The following ATP8B1 variants were observed in gnomAD, a reference collection of about 807,000 sequenced individuals.
The protein encoded by ATP8B1 is phospholipid-transporting ATPase IC.
In ATP8B1, 80 loss-of-function variants were observed where a neutral mutation model predicts 149.9. That is an observed-to-expected ratio of 0.53 (90% CI 0.45 to 0.64). ATP8B1 has a LOEUF of 0.64. Ranked by LOEUF, ATP8B1 falls within the 30% of genes least tolerant of loss-of-function variation. The probability of loss-of-function intolerance (pLI) is 0.00; values close to 1 mark genes in which losing one functional copy is unlikely to be tolerated. For missense variants in ATP8B1, 1,247 were observed against 1,552.6 expected, an observed-to-expected ratio of 0.80 and a Z score of 3.31; for synonymous variants, 536 against 562.8, an observed-to-expected ratio of 0.95 and a Z score of 0.67.
At position 57,649,190 on chromosome 18, in the gene ATP8B1, A is replaced by ATCTATCTATCTATCTATC. The variant is rs1909427425; in HGVS notation, c.3532-479_3532-478insGATAGATAGATAGATAGA. Reference sequence around the variant, plus strand: ...CAGGCATGAACCACAGTGCTTGGCTATATCTATCTATCTATCTATCTATCT... The same window carrying ATCTATCTATCTATCTATC: ...CAGGCATGAACCACAGTGCTTGGCTATCTATCTATCTATCTATCTATCTATCTATCTATCTATCTATCT... On this transcript the variant is annotated intron_variant, in intron 27 of 27. Coordinates refer to ENST00000648908, the MANE Select transcript of ATP8B1 (RefSeq NM_001374385.1). 6.7e-5 allele frequency among the ~76,000 whole-genome samples: 10 copies of ATCTATCTATCTATCTATC among 148,216 alleles called. No individual in the cohort carries two copies. In the South Asian group the frequency reaches 1.1e-3, roughly 16 times the overall value.
At chr18:57,664,090 C>G (rs576130417) in intron 20 of ATP8B1, among the ~76,000 whole-genome samples, 1 of 127,014 alleles carries the variant, frequency 7.9e-6, no homozygotes, top group South Asian at 2.8e-4. Flanking sequence ...TTTTTTTTAA[C>G]TGAGCGACAT....
In ATP8B1 at chr18:57,727,067, C is replaced by T. The variant is rs142797053; in HGVS notation, c.181+4560G>A. 8.0e-4 allele frequency among the ~76,000 whole-genome samples: 121 copies of T among 152,036 alleles called. No individual in the cohort carries two copies. The East Asian group carries it at 0.015, about 19-fold the overall frequency. On this transcript the variant is annotated intron_variant, in intron 2 of 27. Coordinates refer to ENST00000648908, the MANE Select transcript of ATP8B1 (RefSeq NM_001374385.1). ...TTCACTCCAGCCTGGGCAACAAGAG[C>T]GAGATTCTGTCAAATAAATAAATAA... is the stretch of plus-strand genomic sequence containing the variant.
intron 24 of ATP8B1, among the ~76,000 whole-genome samples, 156 bp downstream of exon 24, chr18:57,653,836 G>A (rs150715751): frequency 4.1e-4 from 62 of 152,026 alleles, no homozygotes; most frequent in African/African-American, 1.5e-3. Flanking sequence ...AAAACAAGAA[G>A]CACAGCCATG....
intron 1 of ATP8B1, chr18:57,735,207 G>T: frequency 5.9e-6 from 1 of 169,328 alleles, no homozygotes; most frequent in East Asian, 1.7e-4. Flanking sequence ...CACCACTGCT[G>T]TTTTGCTGCC....
rs566673944 is a variant in ATP8B1, at chr18:57,693,505, C to T, written c.1029+1077G>A. 1.1e-3 allele frequency among the ~76,000 whole-genome samples: 169 copies of T among 152,088 alleles called. 1 individual carries two copies. Among genetic ancestry groups the T allele is most frequent in the Admixed American group, 2.5e-3 (38 of 15,264 alleles). ...GGCAGATCACTTGAGGTCAGGGGTT[C>T]GAGACCAGCCTGGCCAACATGGTGA... On this transcript the variant is annotated intron_variant, in intron 11 of 27. Coordinates refer to ENST00000648908, the MANE Select transcript of ATP8B1 (RefSeq NM_001374385.1).
intron 12 of ATP8B1, 103 bp from the exon 13 acceptor site, chr18:57,688,610 C>T: frequency 8.8e-7 from 1 of 1,132,196 alleles, no homozygotes; most frequent in South Asian, 1.3e-5. Context: ...TGCTTATTTA[C>T]TGCTATGGTC....
chr18:57,766,139 A>G (rs12959787), intron 1 of ATP8B1, among the ~76,000 whole-genome samples: 96,861 of 149,518 alleles, frequency 0.65, 31,473 homozygotes, highest in African/African-American at 0.7. Context: ...TGCCTCCCAG[A>G]TTCAAGTGAT....
intron 2 of ATP8B1, among the ~76,000 whole-genome samples, chr18:57,708,173 A>AG (rs1216571076): frequency 1.3e-5 from 2 of 151,570 alleles, no homozygotes; most frequent in East Asian, 3.9e-4. Flanking sequence ...AAAAAAAAAA[A>AG]AAAAAAAGTA....
chr18:57,650,547 CA>C (rs1909543385), intron 26 of ATP8B1, 50 bp from the exon 27 acceptor site: 3 of 1,597,756 alleles, frequency 1.9e-6, no homozygotes, highest in Non-Finnish European at 1.7e-6. Context: ...TTCCTAAGAA[CA>C]TAGTTAATAT....
intron 21 of ATP8B1, among the ~76,000 whole-genome samples, chr18:57,662,280 C>T (rs1309044439): frequency 6.6e-6 from 1 of 152,102 alleles, no homozygotes; most frequent in African/African-American, 2.4e-5. Context: ...AATTAGTAAA[C>T]CAAGATAACC....
At chr18:57,756,719 C>T (rs1007325027) in intron 1 of ATP8B1, among the ~76,000 whole-genome samples, 2 of 151,952 alleles carry the variant, frequency 1.3e-5, no homozygotes, top group African/African-American at 2.4e-5. Context: ...GTCATTTCCT[C>T]GTGATTTAAT....
chr18:57,785,340 T>C (rs929207832), intron 1 of ATP8B1, among the ~76,000 whole-genome samples: 5 of 152,260 alleles, frequency 3.3e-5, no homozygotes, highest in Admixed American at 2.6e-4. Context: ...TGTAAAAATA[T>C]CTCTAACCCA....
intron 1 of ATP8B1, among the ~76,000 whole-genome samples, chr18:57,757,873 C>T (rs1459960193): frequency 1.3e-5 from 2 of 152,154 alleles, no homozygotes; most frequent in African/African-American, 4.8e-5. Context: ...GTTCGTAGCT[C>T]CCTGGATTAT....
rs72944197 is a variant in ATP8B1 at position 57,690,120 on chromosome 18, A to T, written c.1221-1613T>A. ...AGGAGAAGTGGTCAGAAACAGAATGAGTCAGGAAAGGTCAGGGTAATAAGG... is the reference window on the plus strand; with the variant it reads ...AGGAGAAGTGGTCAGAAACAGAATGTGTCAGGAAAGGTCAGGGTAATAAGG... On this transcript the variant is annotated intron_variant, in intron 12 of 27. Transcript: ENST00000648908. Among the ~76,000 whole-genome samples, 733 of 152,344 alleles carry T rather than the reference A, an allele frequency of 4.8e-3. 5 individuals are homozygous for T. Among genetic ancestry groups the T allele is most frequent in the Non-Finnish European group, 5.8e-3 (396 of 68,024 alleles).
In ATP8B1 at chr18:57,661,280, G is replaced by A. The variant is rs532483640; in HGVS notation, c.2601C>T (p.Arg867=). The A allele has an allele frequency of 1.7e-5, 28 of 1,613,936 alleles. No homozygotes were observed. In the South Asian group the frequency reaches 1.8e-4, roughly 10 times the overall value. The part of the protein sequence containing the change: ...ACECSAVICC[R]VTPKQKAMVV... ...CCATGGCCTTCTGCTTGGGGGTGACGCGGCAGCAGATGACTGCGCTGCACT... is the reference window on the plus strand; with the variant it reads ...CCATGGCCTTCTGCTTGGGGGTGACACGGCAGCAGATGACTGCGCTGCACT... Residue 867 remains arginine (R), a synonymous_variant, in exon 22 of 28, where the codon CGC becomes CGT. Transcript: ENST00000648908.
intron 1 of ATP8B1, among the ~76,000 whole-genome samples, chr18:57,778,055 G>A (rs1395024965): frequency 2.0e-5 from 3 of 152,108 alleles, no homozygotes; most frequent in Admixed American, 1.3e-4. Flanking sequence ...TCCAGTGATG[G>A]TCAACAACAG....
intron 1 of ATP8B1, among the ~76,000 whole-genome samples, chr18:57,748,433 G>T (rs61456468): frequency 1.3e-5 from 2 of 152,090 alleles, no homozygotes. Flanking sequence ...GAAGATGGCC[G>T]TGCAAAACCT....
At chr18:57,680,105 A>C (rs62094232) in intron 15 of ATP8B1, among the ~76,000 whole-genome samples, 49,136 of 150,570 alleles carry the variant, frequency 0.33, 8,637 homozygotes, top group Non-Finnish European at 0.4. Flanking sequence ...GCAAAACTCC[A>C]TCTCTACTAA....
At chr18:57,729,738 A>AG (rs2079742458) in intron 2 of ATP8B1, among the ~76,000 whole-genome samples, 1 of 151,402 alleles carries the variant, frequency 6.6e-6, no homozygotes, top group Admixed American at 6.6e-5. Context: ...TTTAGTAGAG[A>AG]CGGGGTTTCA....
Sources: gnomAD v4.1 joint callset for allele counts (sites outside exome capture counted in the v4.1 genomes callset) on GRCh38, gnomAD v4.1.1 for gene constraint, MANE v1.5 for transcripts, NCBI Gene and HGNC (gene_info 2026-07-23, HGNC 2026-07-21) for gene names.